Variants in CDH2 observed in about 807,000 individuals in gnomAD.
CDH2 encodes the protein cadherin 2.
In CDH2, 17 loss-of-function variants were observed where a neutral mutation model predicts 92.0. The ratio of observed to expected loss-of-function variants is 0.18; its 90% CI spans 0.13 to 0.28. The LOEUF is 0.28. CDH2 is among the 10% of genes least tolerant of loss of function. The probability of loss-of-function intolerance (pLI) is 1.00; values close to 1 mark genes in which losing one functional copy is unlikely to be tolerated. For missense variants in CDH2, 862 were observed against 1,133.1 expected (o/e 0.76, Z 3.44); for synonymous variants, 419 against 415.9 (o/e 1.01, Z -0.09).
intron 11 of CDH2, among the ~76,000 whole-genome samples, chr18:27,987,767 G>A (rs1275334561): frequency 2.6e-5 from 4 of 152,038 alleles, no homozygotes; most frequent in Non-Finnish European, 4.4e-5. Flanking sequence ...GTGCTGATAC[G>A]TATCTATTTA....
At chr18:27,977,171 A>G (rs2011859615) in intron 14 of CDH2, among the ~76,000 whole-genome samples, 1 of 152,194 alleles carries the variant, frequency 6.6e-6, no homozygotes, top group African/African-American at 2.4e-5. Context: ...TAGATATACT[A>G]AAAGTGTCTG....
At chr18:27,994,321 A>G (rs1395610992) in intron 7 of CDH2, among the ~76,000 whole-genome samples, 3 of 152,342 alleles carry the variant, frequency 2.0e-5, no homozygotes, top group Admixed American at 2.0e-4. Context: ...CATTGTGTCC[A>G]CTGCTTTAAG....
intron 13 of CDH2, 129 bp from the exon 14 acceptor site, chr18:27,983,212 C>T (rs986814801): frequency 1.6e-6 from 1 of 614,262 alleles, no homozygotes; most frequent in Admixed American, 3.3e-5. Flanking sequence ...TTTCACTCTA[C>T]TATCTATTTC....
chr18:27,983,028 G>A lies in CDH2; in HGVS notation c.2265C>T (p.Ala755=), dbSNP rs758005850. ...CTTCTGGATCAATTAAAAGTTGTTT[G>A]GCCTGGCGTTCTTTATCCCGGCGTT... ...WMKRRDKERQ[A]KQLLIDPEDD... is the part of the protein sequence containing the mutation. Residue 755 remains alanine, a synonymous_variant, in exon 14 of 16, where the codon GCC becomes GCT. Coordinates refer to ENST00000269141, the MANE Select transcript of CDH2 (RefSeq NM_001792.5). 6.2e-7 allele frequency: 1 copy of A among 1,611,698 alleles called. No homozygotes were observed. Among genetic ancestry groups the A allele is most frequent in the South Asian group, 1.1e-5 (1 of 90,882 alleles).
At chr18:28,040,984 C>T (rs970541257) in intron 2 of CDH2, among the ~76,000 whole-genome samples, 2 of 152,046 alleles carry the variant, frequency 1.3e-5, no homozygotes, top group Non-Finnish European at 2.9e-5. Context: ...GTACCAGACC[C>T]AGGATGACAC....
intron 1 of CDH2, among the ~76,000 whole-genome samples, chr18:28,162,953 G>A (rs1017261666): frequency 7.9e-5 from 12 of 152,092 alleles, no homozygotes; most frequent in African/African-American, 2.7e-4. Context: ...CCCCTGTGTC[G>A]GCTATCTAGA....
intron 14 of CDH2, among the ~76,000 whole-genome samples, chr18:27,981,145 G>A (rs889809411): frequency 3.3e-5 from 5 of 152,150 alleles, no homozygotes; most frequent in South Asian, 2.1e-4. Flanking sequence ...AGTTACTACC[G>A]GTGGTCTTAC....
intron 2 of CDH2, among the ~76,000 whole-genome samples, chr18:28,087,264 G>C (rs2014950235): frequency 1.3e-5 from 2 of 152,178 alleles, no homozygotes; most frequent in Admixed American, 6.5e-5. Context: ...TCTGTGTGAA[G>C]AGAAGCATGA....
intron 2 of CDH2, among the ~76,000 whole-genome samples, chr18:28,110,727 T>C (rs191971805): frequency 2.6e-3 from 393 of 152,262 alleles, no homozygotes; most frequent in African/African-American, 9.1e-3. Context: ...AAAGTGAATA[T>C]GTTATTTACT....
At chr18:28,009,914 T>C in intron 4 of CDH2, 42 bp from the exon 5 acceptor site, 3 of 1,530,728 alleles carry the variant, frequency 2.0e-6, no homozygotes, top group South Asian at 1.2e-5. Flanking sequence ...AGAGACTAAA[T>C]GAGCTCATTA....
chr18:27,946,410 G>T (rs189306226), downstream of CDH2, among the ~76,000 whole-genome samples: 1 of 152,182 alleles, frequency 6.6e-6, no homozygotes, highest in African/African-American at 2.4e-5. Flanking sequence ...ATACTGTATG[G>T]AATTTTCTAT....
chr18:28,025,041 A>G (rs2013512876), intron 2 of CDH2, among the ~76,000 whole-genome samples: 3 of 152,166 alleles, frequency 2.0e-5, no homozygotes, highest in Admixed American at 6.5e-5. Context: ...ATCTTCACTG[A>G]GGATAAACAC....
Position 28,066,553 on chromosome 18 carries a change from C to T in CDH2, c.173-52644G>A, listed in dbSNP as rs990041634. ...AGGCAAAACTCTCCTTTTCTTACTG[C>T]CTATCAAGCAGACAAGCATGTAATT... On this transcript the variant is annotated intron_variant, in intron 2 of 15. Coordinates refer to ENST00000269141, the MANE Select transcript of CDH2 (RefSeq NM_001792.5). 2.6e-5 allele frequency among the ~76,000 whole-genome samples: 4 copies of T among 152,058 alleles called. No individual in the cohort carries two copies. In the East Asian group the frequency reaches 7.7e-4, roughly 29 times the overall value.
Position 27,992,856 on chromosome 18 carries a change from A to T in CDH2, c.1159-16T>A, listed in dbSNP as rs368290549. 1.2e-6 allele frequency: 2 copies of T among 1,607,470 alleles called. No individual in the cohort carries two copies. Among genetic ancestry groups the T allele is most frequent in the African/African-American group, 2.7e-5 (2 of 74,800 alleles). ...CACCATAAAACTGCGAGAAAGACAA[A>T]CCTCAGTCAGAGGAGGGGCATGGAC... On this transcript the variant is annotated splice_polypyrimidine_tract_variant and intron_variant, in intron 8 of 15. Coordinates refer to ENST00000269141, the MANE Select transcript of CDH2 (RefSeq NM_001792.5).
At chr18:28,175,562 G>A (rs2016525651) in intron 1 of CDH2, among the ~76,000 whole-genome samples, 3 of 152,140 alleles carry the variant, frequency 2.0e-5, no homozygotes, top group Non-Finnish European at 4.4e-5. Flanking sequence ...GGTTGCGGGA[G>A]AAAGCGCGAG....
At chr18:28,008,327 T>G (rs2012999028) in intron 5 of CDH2, among the ~76,000 whole-genome samples, 1 of 152,206 alleles carries the variant, frequency 6.6e-6, no homozygotes, top group Non-Finnish European at 1.5e-5. Flanking sequence ...GTTTCAGAAC[T>G]ATATGGAAAG....
intron 2 of CDH2, among the ~76,000 whole-genome samples, chr18:28,115,637 C>G (rs376263845): frequency 5.3e-5 from 8 of 152,254 alleles, no homozygotes; most frequent in African/African-American, 1.9e-4. Flanking sequence ...CAGGAACCAC[C>G]ACAACCAATT....
chr18:28,134,556 A>T (rs576845674), intron 2 of CDH2, among the ~76,000 whole-genome samples: 2 of 152,096 alleles, frequency 1.3e-5, no homozygotes, highest in African/African-American at 4.8e-5. Flanking sequence ...CAAAAAATTA[A>T]AAAATTAGCT....
At chr18:28,030,434 C>T (rs947285759) in intron 2 of CDH2, among the ~76,000 whole-genome samples, 8 of 152,010 alleles carry the variant, frequency 5.3e-5, no homozygotes, top group Non-Finnish European at 1.2e-4. Context: ...TAGGTCCACA[C>T]TGCAGAACTA....
Sources: gnomAD v4.1 joint callset for allele counts (sites outside exome capture counted in the v4.1 genomes callset) on GRCh38, gnomAD v4.1.1 for gene constraint, MANE v1.5 for transcripts, NCBI Gene and HGNC (gene_info 2026-07-23, HGNC 2026-07-21) for gene names.